Variants in FGF12 observed in about 807,000 individuals in gnomAD.
FGF12 encodes fibroblast growth factor 12B.
A neutral mutation model predicts 23.6 loss-of-function variants in FGF12; 14 were observed. That is an observed-to-expected ratio of 0.59 (90% CI 0.39 to 0.93). The LOEUF (loss-of-function observed/expected upper bound fraction) is 0.93, where lower values mean the gene tolerates loss of function less well. Among genes scored for constraint, FGF12 ranks in the 40% least tolerant of loss-of-function variants. The pLI is 0.00. For missense variants in FGF12, 175 were observed against 217.8 expected (o/e 0.80, Z 1.24); for synonymous variants, 62 against 77.3 (o/e 0.80, Z 1.04).
rs544239265 is a variant in FGF12, at chr3:192,155,159, G to T, written c.428-11032C>A. ...CGCTTCCCAGGTGAGGCAATGCCTCGCCCTGCTTCGGCTCGCGCACGGTGC... is the reference window on the plus strand; with the variant it reads ...CGCTTCCCAGGTGAGGCAATGCCTCTCCCTGCTTCGGCTCGCGCACGGTGC... On this transcript the variant is annotated intron_variant, in intron 5 of 5. Transcript: ENST00000445105. 2.3e-3 allele frequency among the ~76,000 whole-genome samples: 345 copies of T among 151,306 alleles called. 2 individuals carry two copies. The highest frequency in any genetic ancestry group is 7.0e-3 in the African/African-American group (288 of 41,092).
Position 192,347,092 on chromosome 3 carries a change from C to T in FGF12, c.125-11628G>A, listed in dbSNP as rs537676134. The stretch of plus-strand genomic sequence containing the variant: ...AAAATTCTGATGTCCAGACTACACT[C>T]ATAATAATTAAATAAAATTGCCTGG... On this transcript the variant is annotated intron_variant, in intron 3 of 5. Coordinates refer to ENST00000445105, the MANE Select transcript of FGF12 (RefSeq NM_004113.6). 3.9e-4 allele frequency among the ~76,000 whole-genome samples: 59 copies of T among 152,260 alleles called. 2 individuals are homozygous for T. In the South Asian group the frequency reaches 0.011, roughly 29 times the overall value.
At chr3:192,601,426 A>G (rs1190100400) in intron 2 of FGF12, among the ~76,000 whole-genome samples, 1 of 152,178 alleles carries the variant, frequency 6.6e-6, no homozygotes, top group Non-Finnish European at 1.5e-5. Flanking sequence ...AAATAGCTAC[A>G]AGGAGGATAT....
chr3:192,368,035 C>G (rs1719061558), intron 2 of FGF12, among the ~76,000 whole-genome samples: 1 of 152,136 alleles, frequency 6.6e-6, no homozygotes, highest in Admixed American at 6.6e-5. Flanking sequence ...GCCTTTGTGA[C>G]AGTTATTCTT....
chr3:192,591,897 T>C lies in FGF12; in HGVS notation c.13+135284A>G, dbSNP rs192423233. On this transcript the variant is annotated intron_variant, in intron 2 of 5. Coordinates refer to ENST00000445105, the MANE Select transcript of FGF12 (RefSeq NM_004113.6). ...TAGATTATTCCTACCACAAATAAAA[T>C]TGGAAGCTAAGCATTTTTTTTCTTT... is the stretch of plus-strand genomic sequence containing the variant. 2.6e-3 allele frequency among the ~76,000 whole-genome samples: 391 copies of C among 151,814 alleles called. 6 individuals are homozygous for C. The highest frequency in any genetic ancestry group is 4.3e-3 in the Non-Finnish European group (289 of 67,850).
At chr3:192,397,288 G>A (rs1397496811) in intron 2 of FGF12, among the ~76,000 whole-genome samples, 1 of 152,172 alleles carries the variant, frequency 6.6e-6, no homozygotes, top group African/African-American at 2.4e-5. Context: ...GATTGTCAGG[G>A]AAAGACAGGT....
intron 4 of FGF12, among the ~76,000 whole-genome samples, chr3:192,277,946 A>C (rs1713902907): frequency 6.6e-6 from 1 of 152,114 alleles, no homozygotes; most frequent in Admixed American, 6.5e-5. Flanking sequence ...TATTTTTAGT[A>C]GAGACGGGGT....
At chr3:192,144,931 T>A (rs1202564471) in intron 5 of FGF12, among the ~76,000 whole-genome samples, 1 of 152,242 alleles carries the variant, frequency 6.6e-6, no homozygotes, top group Non-Finnish European at 1.5e-5. Flanking sequence ...CAAATGTGAC[T>A]AGATAAGAGT....
chr3:192,217,244 C>A (rs747213762), intron 4 of FGF12, among the ~76,000 whole-genome samples: 1 of 152,198 alleles, frequency 6.6e-6, no homozygotes, highest in East Asian at 1.9e-4. Context: ...TTAATCCATG[C>A]AGTGCACATA....
At chr3:192,146,117 A>C (rs953015814) in intron 5 of FGF12, among the ~76,000 whole-genome samples, 1 of 152,182 alleles carries the variant, frequency 6.6e-6, no homozygotes, top group Non-Finnish European at 1.5e-5. Context: ...GAAAACTTAC[A>C]CATCTGCAGG....
intron 2 of FGF12, among the ~76,000 whole-genome samples, chr3:192,469,799 G>A (rs1021975418): frequency 1.3e-5 from 2 of 152,206 alleles, no homozygotes; most frequent in African/African-American, 2.4e-5. Flanking sequence ...AGTGGGCACT[G>A]TGCAATAAAC....
At chr3:192,183,657 G>A (rs550596980) in intron 4 of FGF12, among the ~76,000 whole-genome samples, 1 of 152,266 alleles carries the variant, frequency 6.6e-6, no homozygotes, top group East Asian at 1.9e-4. Flanking sequence ...TTCATAAAAG[G>A]TACTAAAAAG....
intron 4 of FGF12, among the ~76,000 whole-genome samples, chr3:192,180,514 C>T (rs917030430): frequency 1.8e-4 from 27 of 152,200 alleles, no homozygotes; most frequent in African/African-American, 6.5e-4. Context: ...CTTCTAGTGC[C>T]TCAGCCTCTG....
At chr3:192,588,745 CA>C (rs1352993193) in intron 2 of FGF12, among the ~76,000 whole-genome samples, 1 of 151,928 alleles carries the variant, frequency 6.6e-6, no homozygotes, top group African/African-American at 2.4e-5. Context: ...AACTGGGAGA[CA>C]GTATTTATAC....
At chr3:192,328,370 C>T (rs1011213344) in intron 4 of FGF12, among the ~76,000 whole-genome samples, 2 of 152,198 alleles carry the variant, frequency 1.3e-5, no homozygotes, top group South Asian at 2.1e-4. Flanking sequence ...ATCCTGCCTA[C>T]GTAACAGACG....
intron 4 of FGF12, among the ~76,000 whole-genome samples, chr3:192,184,151 G>C (rs955412310): frequency 6.6e-6 from 1 of 152,108 alleles, no homozygotes; most frequent in Non-Finnish European, 1.5e-5. Flanking sequence ...TTGGGCCTGG[G>C]AGGCACGGGT....
At chr3:192,183,315 C>CAGACTCA (rs1577212139) in intron 4 of FGF12, among the ~76,000 whole-genome samples, 1 of 152,056 alleles carries the variant, frequency 6.6e-6, no homozygotes, top group East Asian at 1.9e-4. Context: ...GTTTTCTGCT[C>CAGACTCA]AGACTCAATC....
intron 2 of FGF12, among the ~76,000 whole-genome samples, chr3:192,543,366 G>A (rs1330125823): frequency 6.6e-6 from 1 of 151,846 alleles, no homozygotes; most frequent in African/African-American, 2.4e-5. Context: ...TCAGCATGTT[G>A]GTGAATGCTG....
intron 2 of FGF12, among the ~76,000 whole-genome samples, chr3:192,397,915 T>G (rs1321555444): frequency 6.6e-6 from 1 of 151,476 alleles, no homozygotes; most frequent in Non-Finnish European, 1.5e-5. Context: ...GTTCCCAAAT[T>G]AATATACAAC....
intron 2 of FGF12, among the ~76,000 whole-genome samples, chr3:192,610,703 ACCTGCAAGGC>A (rs760692788): frequency 6.6e-6 from 1 of 151,910 alleles, no homozygotes; most frequent in Non-Finnish European, 1.5e-5. Context: ...CCATATTAGA[ACCTGCAAGGC>A]CCTGCAAGAT....
Sources: gnomAD v4.1 joint callset for allele counts (sites outside exome capture counted in the v4.1 genomes callset) on GRCh38, gnomAD v4.1.1 for gene constraint, MANE v1.5 for transcripts, NCBI Gene and HGNC (gene_info 2026-07-23, HGNC 2026-07-21) for gene names.